Variants in ABCG2 observed in about 807,000 individuals in gnomAD.
ABCG2 encodes the protein ATP binding cassette subfamily G member 2 (JR blood group).
Under a neutral mutation model 73.5 loss-of-function variants are expected in ABCG2, and 80 were observed. The ratio of observed to expected loss-of-function variants is 1.09; its 90% confidence interval spans 0.91 to 1.31. The LOEUF (loss-of-function observed/expected upper bound fraction) is 1.31, where lower values mean the gene tolerates loss of function less well. ABCG2 is among the 50% of genes most tolerant of loss of function. The pLI is 0.00. For synonymous variants in ABCG2, 269 were observed against 282.4 expected, an observed-to-expected ratio of 0.95 and a Z score of 0.48; for missense variants, 796 against 786.2, an observed-to-expected ratio of 1.01 and a Z score of -0.15.
chr4:88,153,175 A>C (rs1282044610), intron 1 of ABCG2, among the ~76,000 whole-genome samples: 1 of 151,694 alleles, frequency 6.6e-6, no homozygotes, highest in Non-Finnish European at 1.5e-5. Flanking sequence ...GCACCAGGAG[A>C]TATCAGCTGT....
intron 6 of ABCG2, among the ~76,000 whole-genome samples, chr4:88,121,229 G>A (rs1039442844): frequency 6.6e-6 from 1 of 151,976 alleles, no homozygotes; most frequent in African/African-American, 2.4e-5. Context: ...AGGCCCAACA[G>A]GAGGAAGCTA....
chr4:88,131,270 A>G (rs1578209634), intron 4 of ABCG2, 57 bp from the exon 5 acceptor site: 1 of 1,549,100 alleles, frequency 6.5e-7, no homozygotes, highest in East Asian at 2.2e-5. Flanking sequence ...TTCTAAGACC[A>G]TGACTGTTTA....
chr4:88,227,501 G>A (rs1730271296), intron 1 of ABCG2, among the ~76,000 whole-genome samples: 1 of 152,160 alleles, frequency 6.6e-6, no homozygotes, highest in African/African-American at 2.4e-5. Flanking sequence ...CTGGAGCTGT[G>A]ACTTTTGTTT....
At chr4:88,220,344 A>ATTCCAC (rs1432647059) in intron 1 of ABCG2, among the ~76,000 whole-genome samples, 2 of 152,112 alleles carry the variant, frequency 1.3e-5, no homozygotes, top group Non-Finnish European at 2.9e-5. Flanking sequence ...GAATTGTGGG[A>ATTCCAC]TTGTATGGTA....
At chr4:88,215,413 G>A (rs559136242) in intron 1 of ABCG2, among the ~76,000 whole-genome samples, 83 of 152,240 alleles carry the variant, frequency 5.5e-4, no homozygotes, top group African/African-American at 1.9e-3. Context: ...CAAGGAAATA[G>A]GACTCGGTCC....
chr4:88,139,662 C>T (rs933982076), intron 2 of ABCG2, 131 bp downstream of exon 2: 2 of 707,442 alleles, frequency 2.8e-6, no homozygotes, highest in Admixed American at 3.0e-5. Flanking sequence ...CAAATGAAAG[C>T]ATGTGTCTGT....
chr4:88,185,125 G>C (rs1288894674), intron 1 of ABCG2, among the ~76,000 whole-genome samples: 9 of 152,168 alleles, frequency 5.9e-5, no homozygotes, highest in Non-Finnish European at 1.5e-5. Flanking sequence ...CACTTTGGGA[G>C]GTCAAGGCAG....
intron 1 of ABCG2, among the ~76,000 whole-genome samples, chr4:88,210,805 A>G (rs1307981416): frequency 6.6e-6 from 1 of 152,024 alleles, no homozygotes; most frequent in Non-Finnish European, 1.5e-5. Flanking sequence ...CTGGTCTCGA[A>G]CTCCTAGCTT....
intron 1 of ABCG2, among the ~76,000 whole-genome samples, chr4:88,200,231 G>T (rs1260007546): frequency 6.6e-6 from 1 of 152,044 alleles, no homozygotes; most frequent in African/African-American, 2.4e-5. Context: ...GGGGGGCTGA[G>T]ATGGGAGGAT....
chr4:88,156,069 G>A (rs2110079703), intron 1 of ABCG2, among the ~76,000 whole-genome samples: 1 of 151,590 alleles, frequency 6.6e-6, no homozygotes, highest in East Asian at 2.0e-4. Context: ...CAGAAATCAA[G>A]AAATGCATTA....
intron 1 of ABCG2, among the ~76,000 whole-genome samples, chr4:88,203,008 C>T (rs1729242502): frequency 1.3e-5 from 2 of 152,012 alleles, no homozygotes; most frequent in Admixed American, 6.6e-5. Context: ...GGTAGGTTTC[C>T]ATTTAAATAG....
chr4:88,219,525 A>C (rs991913642), intron 1 of ABCG2, among the ~76,000 whole-genome samples: 4 of 140,778 alleles, frequency 2.8e-5, no homozygotes, highest in African/African-American at 1.1e-4. Flanking sequence ...GAGTTGTTTT[A>C]TTTTCTTCTA....
intron 1 of ABCG2, among the ~76,000 whole-genome samples, chr4:88,164,529 T>G (rs948308262): frequency 6.6e-6 from 1 of 152,170 alleles, no homozygotes; most frequent in African/African-American, 2.4e-5. Flanking sequence ...TCGGCACTTC[T>G]CCTTCCTGCC....
At chr4:88,224,937 A>AAGAC (rs1730148439) in intron 1 of ABCG2, among the ~76,000 whole-genome samples, 1 of 152,182 alleles carries the variant, frequency 6.6e-6, no homozygotes, top group Non-Finnish European at 1.5e-5. Context: ...ATTTATTGAA[A>AAGAC]AGACTGTCCT....
intron 5 of ABCG2, among the ~76,000 whole-genome samples, chr4:88,129,869 TC>T (rs1724724038): frequency 6.6e-6 from 1 of 152,202 alleles, no homozygotes; most frequent in African/African-American, 2.4e-5. Flanking sequence ...ATTTTTTTCT[TC>T]ACGATCCTCT....
Position 88,130,742 on chromosome 4 carries a change from G to C in ABCG2, c.531+319C>G, listed in dbSNP as rs184408027. ...GAAGAGAAAAAGAGGAAGAAGAAAAGTTAGTGCAGACACGGAATGAGACGT... is the reference window on the plus strand; with the variant it reads ...GAAGAGAAAAAGAGGAAGAAGAAAACTTAGTGCAGACACGGAATGAGACGT... On this transcript the variant is annotated intron_variant, in intron 5 of 15. Transcript: ENST00000237612. 1.0e-3 allele frequency among the ~76,000 whole-genome samples: 152 copies of C among 152,278 alleles called. 1 individual carries two copies. Among genetic ancestry groups the C allele is most frequent in the African/African-American group, 3.5e-3 (146 of 41,564 alleles).
intron 1 of ABCG2, among the ~76,000 whole-genome samples, chr4:88,181,139 C>T (rs1048271604): frequency 7.2e-5 from 11 of 151,982 alleles, no homozygotes; most frequent in South Asian, 6.2e-4. Context: ...CGGTGGCTCA[C>T]GCCTGTAATC....
intron 1 of ABCG2, among the ~76,000 whole-genome samples, chr4:88,215,668 A>C (rs1420441422): frequency 6.6e-6 from 1 of 152,250 alleles, no homozygotes; most frequent in Non-Finnish European, 1.5e-5. Flanking sequence ...TAGGGACAAC[A>C]TGGTGCAACT....
intron 1 of ABCG2, among the ~76,000 whole-genome samples, chr4:88,224,503 T>A (rs1251236777): frequency 1.3e-5 from 2 of 151,634 alleles, no homozygotes; most frequent in East Asian, 3.9e-4. Context: ...TTTGTTTGTT[T>A]TTTTTTGAAA....
Sources: allele counts gnomAD v4.1 joint callset (sites outside exome capture counted in the v4.1 genomes callset), GRCh38; gene constraint gnomAD v4.1.1; transcripts MANE v1.5; gene names NCBI Gene and HGNC (gene_info 2026-07-23, HGNC 2026-07-21).